CFAP20DC: variants seen among roughly 807,000 people sequenced by gnomAD.
CFAP20DC encodes protein CFAP20DC.
In CFAP20DC, 84 loss-of-function variants were observed where a neutral mutation model predicts 101.7. That is an observed-to-expected ratio of 0.83 (90% CI 0.69 to 0.99). The LOEUF is 0.99. Ranked by LOEUF, CFAP20DC falls within the 50% of genes least tolerant of loss-of-function variation. The pLI, the probability that CFAP20DC is intolerant of heterozygous loss-of-function variation, is 0.00. For missense variants in CFAP20DC, 1,007 were observed against 970.3 expected (o/e 1.04, Z -0.50); for synonymous variants, 359 against 351.2 (o/e 1.02, Z -0.25).
chr3:58,875,975 C>A (rs1342992500), intron 7 of CFAP20DC, among the ~76,000 whole-genome samples: 2 of 152,080 alleles, frequency 1.3e-5, no homozygotes, highest in Non-Finnish European at 2.9e-5. Context: ...CTATTATTCC[C>A]AAATCACAGA....
chr3:58,966,615 C>A (rs1435707008), intron 4 of CFAP20DC, among the ~76,000 whole-genome samples: 1 of 151,266 alleles, frequency 6.6e-6, no homozygotes, highest in African/African-American at 2.4e-5. Flanking sequence ...CCTCAGCCTC[C>A]CGGGTTCAAG....
rs570945366 is a variant in CFAP20DC, at chr3:58,768,541, C to T, written c.2238-14678G>A. On this transcript the variant is annotated intron_variant, in intron 15 of 16. Transcript: ENST00000482387. Reference sequence around the variant, plus strand: ...TAGCTCTTGAATATGTGTCTCCAAACCCATTGCCATTATCCTAGTCTATGT... The same window carrying T: ...TAGCTCTTGAATATGTGTCTCCAAATCCATTGCCATTATCCTAGTCTATGT... 5.3e-5 allele frequency among the ~76,000 whole-genome samples: 8 copies of T among 152,338 alleles called. No individual in the cohort carries two copies. In the South Asian group the frequency reaches 1.7e-3, roughly 32 times the overall value.
chr3:58,981,784 G>T (rs1478001055), intron 4 of CFAP20DC, among the ~76,000 whole-genome samples: 1 of 152,126 alleles, frequency 6.6e-6, no homozygotes, highest in East Asian at 1.9e-4. Context: ...TACCATTCAG[G>T]ACATAGGCAT....
chr3:58,833,938 G>A (rs1323814944), intron 13 of CFAP20DC, among the ~76,000 whole-genome samples: 2 of 152,108 alleles, frequency 1.3e-5, no homozygotes, highest in African/African-American at 4.8e-5. Context: ...AAAGAAGCCA[G>A]GCACAAAAGG....
intron 4 of CFAP20DC, among the ~76,000 whole-genome samples, chr3:59,030,318 T>A (rs918004333): frequency 1.3e-5 from 2 of 152,234 alleles, no homozygotes; most frequent in African/African-American, 4.8e-5. Context: ...AGACAATCCA[T>A]ACTTGTTATT....
chr3:59,049,842 C>A lies in CFAP20DC; in HGVS notation c.-211G>T. ...CCGCCCTCCATCAGCACCATTGCGG[C>A]TCCAGCCTCCGCGGTGCCCGGGTCT... On this transcript the variant is annotated 5_prime_UTR_variant, in exon 1 of 17. Transcript: ENST00000482387. The A allele has an allele frequency of 1.6e-6, 1 of 617,028 alleles. No individual in the cohort carries two copies. Among genetic ancestry groups the A allele is most frequent in the Non-Finnish European group, 2.8e-6 (1 of 354,948 alleles). 38.2% of individuals were successfully genotyped at this position (617,028 alleles called of 1,614,324 possible).
chr3:58,850,141 A>G (rs181622441), intron 12 of CFAP20DC, among the ~76,000 whole-genome samples: 1 of 152,344 alleles, frequency 6.6e-6, no homozygotes, highest in Admixed American at 6.5e-5. Flanking sequence ...AATTACAAAC[A>G]TGAAATCAAT....
At chr3:58,987,433 C>A (rs2092789334) in intron 4 of CFAP20DC, among the ~76,000 whole-genome samples, 1 of 151,586 alleles carries the variant, frequency 6.6e-6, no homozygotes, top group African/African-American at 2.4e-5. Context: ...AAGCATTCAA[C>A]TCAAAAAGTT....
chr3:58,720,319 G>A (rs1160818891), intron 3 of CFAP20DC, among the ~76,000 whole-genome samples: 3 of 152,214 alleles, frequency 2.0e-5, no homozygotes, highest in African/African-American at 4.8e-5. Flanking sequence ...CTGAGCCTCA[G>A]TTTCCTCATC....
chr3:58,854,078 A>G (rs2078522543), intron 12 of CFAP20DC, among the ~76,000 whole-genome samples: 1 of 152,178 alleles, frequency 6.6e-6, no homozygotes, highest in African/African-American at 2.4e-5. Context: ...TTGTATATCT[A>G]GAAAACCCCA....
rs191243520 is a variant in CFAP20DC at position 58,960,315 on chromosome 3, A to C, written c.279-22553T>G. 5.9e-3 allele frequency among the ~76,000 whole-genome samples: 902 copies of C among 152,008 alleles called. 3 individuals are homozygous for C. The highest frequency in any genetic ancestry group is 9.2e-3 in the Non-Finnish European group (624 of 67,970). On this transcript the variant is annotated intron_variant, in intron 4 of 16. Coordinates refer to ENST00000482387, the MANE Select transcript of CFAP20DC (RefSeq NM_001394063.1). Reference sequence around the variant, plus strand: ...CGGGACTAGCCTGACCAACATGGAGAAACCCCATCTCTACTGAAAATACAA... The same window carrying C: ...CGGGACTAGCCTGACCAACATGGAGCAACCCCATCTCTACTGAAAATACAA...
intron 6 of CFAP20DC, among the ~76,000 whole-genome samples, chr3:58,904,713 C>T (rs1386369501): frequency 1.3e-5 from 2 of 152,168 alleles, no homozygotes; most frequent in Non-Finnish European, 2.9e-5. Context: ...TGTGTGACTG[C>T]AGCACAAAAT....
intron 6 of CFAP20DC, among the ~76,000 whole-genome samples, chr3:58,909,235 G>A (rs2083903372): frequency 6.6e-6 from 1 of 152,022 alleles, no homozygotes; most frequent in South Asian, 2.1e-4. Flanking sequence ...CAGTGGGGAA[G>A]GCTACATGCA....
chr3:58,806,261 G>A, intron 15 of CFAP20DC, 134 bp downstream of exon 15: 1 of 649,956 alleles, frequency 1.5e-6, no homozygotes, highest in Non-Finnish European at 2.7e-6. Context: ...ACAAGTAGAT[G>A]AACTAGGACT....
In CFAP20DC at chr3:59,024,070, A is replaced by T. The variant is rs1045164418; in HGVS notation, c.278+15487T>A. 2.0e-5 allele frequency among the ~76,000 whole-genome samples: 3 copies of T among 151,954 alleles called. No homozygotes were observed. The South Asian group carries it at 6.2e-4, about 32-fold the overall frequency. On this transcript the variant is annotated intron_variant, in intron 4 of 16. Coordinates refer to ENST00000482387, the MANE Select transcript of CFAP20DC (RefSeq NM_001394063.1). ...TTATCTAACTCCAGCTAGCTCCAAAACTCCTTTTCTATGAATGGAAATTCT... is the reference window on the plus strand; with the variant it reads ...TTATCTAACTCCAGCTAGCTCCAAATCTCCTTTTCTATGAATGGAAATTCT...
intron 4 of CFAP20DC, chr3:58,953,458 A>G (rs188011702): frequency 6.6e-6 from 1 of 152,336 alleles, no homozygotes; most frequent in Admixed American, 6.5e-5. Context: ...GCCCAGCTTA[A>G]GACAGAGATA....
intron 5 of CFAP20DC, among the ~76,000 whole-genome samples, chr3:58,926,028 C>T (rs913234889): frequency 3.9e-5 from 6 of 152,070 alleles, no homozygotes; most frequent in African/African-American, 1.4e-4. Flanking sequence ...TTCTTCAATA[C>T]CCATATTAGA....
At chr3:58,807,078 G>A (rs1466972788) in intron 14 of CFAP20DC, among the ~76,000 whole-genome samples, 1 of 152,158 alleles carries the variant, frequency 6.6e-6, no homozygotes, top group African/African-American at 2.4e-5. Context: ...GCTCGACCTG[G>A]GTGGAGCCCA....
intron 4 of CFAP20DC, among the ~76,000 whole-genome samples, chr3:59,023,204 A>C (rs764226758): frequency 7.2e-5 from 11 of 151,912 alleles, no homozygotes; most frequent in South Asian, 2.1e-4. Context: ...TCAAAGAACA[A>C]CACCAACAGT....
Sources: allele counts gnomAD v4.1 joint callset (sites outside exome capture counted in the v4.1 genomes callset), GRCh38; gene constraint gnomAD v4.1.1; transcripts MANE v1.5; gene names NCBI Gene and HGNC (gene_info 2026-07-23, HGNC 2026-07-21).